COL23A1: variants seen among roughly 807,000 people sequenced by gnomAD.
COL23A1 encodes the protein collagen alpha-1(XXIII) chain.
COL23A1 carries 97 observed loss-of-function variants against 99.3 expected under a neutral mutation model. That is an observed-to-expected ratio of 0.98 (90% CI 0.83 to 1.16). COL23A1 has a LOEUF of 1.16. COL23A1 is among the 50% of genes most tolerant of loss of function. COL23A1 has a pLI of 0.00. For missense variants in COL23A1, 762 were observed against 757.4 expected, an observed-to-expected ratio of 1.01 and a Z score of -0.07; for synonymous variants, 320 against 308.2, an observed-to-expected ratio of 1.04 and a Z score of -0.40.
intron 2 of COL23A1, among the ~76,000 whole-genome samples, chr5:178,503,694 G>T (rs1333390895): frequency 6.6e-6 from 1 of 151,920 alleles, no homozygotes; most frequent in Non-Finnish European, 1.5e-5. Context: ...TTAAGAATGG[G>T]GTAAAATTTA....
At chr5:178,373,245 C>T (rs985841200) in intron 2 of COL23A1, among the ~76,000 whole-genome samples, 1 of 152,108 alleles carries the variant, frequency 6.6e-6, no homozygotes, top group African/African-American at 2.4e-5. Context: ...CCTTGGTTTT[C>T]TCAGCTATAA....
intron 1 of COL23A1, among the ~76,000 whole-genome samples, chr5:178,561,312 GT>G (rs1434310734): frequency 6.6e-6 from 1 of 152,176 alleles, no homozygotes; most frequent in Non-Finnish European, 1.5e-5. Flanking sequence ...CCTCTTACCA[GT>G]GGGGATCCTT....
intron 3 of COL23A1, 58 bp from the exon 4 acceptor site, chr5:178,290,427 G>A (rs1757393041): frequency 3.7e-6 from 6 of 1,612,234 alleles, no homozygotes; most frequent in East Asian, 2.2e-5. Context: ...CCCCTCGCCT[G>A]TCCTCAGCAC....
intron 1 of COL23A1, among the ~76,000 whole-genome samples, chr5:178,574,505 A>G (rs1470684400): frequency 2.0e-5 from 3 of 152,194 alleles, no homozygotes; most frequent in Admixed American, 6.5e-5. Context: ...TTGTCCAAGC[A>G]TTCTACTCGC....
intron 2 of COL23A1, among the ~76,000 whole-genome samples, chr5:178,531,597 G>A (rs1760655283): frequency 6.6e-6 from 1 of 152,184 alleles, no homozygotes; most frequent in Non-Finnish European, 1.5e-5. Flanking sequence ...TTTAAGTTAG[G>A]GATTCTGTTC....
intron 6 of COL23A1, among the ~76,000 whole-genome samples, chr5:178,269,426 T>C (rs1243608006): frequency 3.4e-5 from 2 of 58,766 alleles, no homozygotes; most frequent in Non-Finnish European, 7.0e-5. Context: ...CACCCGTCCA[T>C]CCACCCACCC....
chr5:178,512,174 G>A (rs919811905), intron 2 of COL23A1, among the ~76,000 whole-genome samples: 3 of 152,220 alleles, frequency 2.0e-5, no homozygotes, highest in African/African-American at 4.8e-5. Flanking sequence ...GCGTCCACCT[G>A]TAGAAGACTG....
intron 2 of COL23A1, among the ~76,000 whole-genome samples, chr5:178,394,667 C>T (rs1274267162): frequency 2.0e-5 from 3 of 152,178 alleles, no homozygotes; most frequent in Non-Finnish European, 4.4e-5. Flanking sequence ...CACCCTGACA[C>T]GCAGAGGGGA....
chr5:178,353,547 C>T (rs532761488), intron 2 of COL23A1, among the ~76,000 whole-genome samples: 18 of 152,292 alleles, frequency 1.2e-4, no homozygotes, highest in African/African-American at 2.2e-4. Flanking sequence ...GAAAAGGAAA[C>T]GTAAGTTTCT....
intron 2 of COL23A1, among the ~76,000 whole-genome samples, chr5:178,386,447 A>G (rs1218674089): frequency 6.6e-6 from 1 of 152,180 alleles, no homozygotes; most frequent in Non-Finnish European, 1.5e-5. Context: ...TCCAAAAAAA[A>G]AAAACGCAAT....
At chr5:178,539,545 C>CAAAAAAAAAAAAAAAAAAA (rs58424731) in intron 2 of COL23A1, among the ~76,000 whole-genome samples, 1 of 78,388 alleles carries the variant, frequency 1.3e-5, no homozygotes, top group Non-Finnish European at 2.3e-5. Flanking sequence ...GACTCTGTCT[C>CAAAAAAAAAAAAAAAAAAA]AAAAAAAAAA....
intron 2 of COL23A1, among the ~76,000 whole-genome samples, chr5:178,339,825 C>T (rs1163539317): frequency 6.6e-6 from 1 of 152,218 alleles, no homozygotes; most frequent in Non-Finnish European, 1.5e-5. Flanking sequence ...TTCCCCAGCA[C>T]TGGAGCTCTG....
intron 2 of COL23A1, among the ~76,000 whole-genome samples, chr5:178,327,131 T>G (rs1266048662): frequency 1.3e-5 from 2 of 152,252 alleles, no homozygotes; most frequent in Non-Finnish European, 2.9e-5. Flanking sequence ...ATTAGCAATC[T>G]TTGTTCATTC....
At chr5:178,245,505 C>G (rs943206054) in intron 25 of COL23A1, among the ~76,000 whole-genome samples, 1 of 150,660 alleles carries the variant, frequency 6.6e-6, no homozygotes, top group Non-Finnish European at 1.5e-5. Context: ...ACCCACCCAT[C>G]ATCCACCCAC....
chr5:178,256,793 C>A, intron 14 of COL23A1, 73 bp downstream of exon 14: 1 of 1,437,050 alleles, frequency 7.0e-7, no homozygotes. Flanking sequence ...GCTGAAACCA[C>A]ATCTCCCACT....
chr5:178,507,047 G>C (rs1758912564), intron 2 of COL23A1, among the ~76,000 whole-genome samples: 1 of 151,986 alleles, frequency 6.6e-6, no homozygotes, highest in African/African-American at 2.4e-5. Context: ...TATAAAACAG[G>C]GTACATTTCT....
chr5:178,577,173 C>T (rs1223562404), intron 1 of COL23A1, among the ~76,000 whole-genome samples: 1 of 152,190 alleles, frequency 6.6e-6, no homozygotes, highest in Non-Finnish European at 1.5e-5. Flanking sequence ...GTCCGGGGAT[C>T]CCGCGGGTGG....
intron 1 of COL23A1, among the ~76,000 whole-genome samples, chr5:178,588,136 A>G (rs1456996624): frequency 6.6e-6 from 1 of 152,188 alleles, no homozygotes; most frequent in Non-Finnish European, 1.5e-5. Flanking sequence ...ACAGAGAGAG[A>G]GAGAGAACAC....
intron 2 of COL23A1, among the ~76,000 whole-genome samples, chr5:178,358,343 G>A (rs202200285): frequency 7.3e-6 from 1 of 136,170 alleles, no homozygotes; most frequent in Admixed American, 7.6e-5. Flanking sequence ...TGTCTAATGT[G>A]TGTATTGTGT....
Sources: allele counts gnomAD v4.1 joint callset (sites outside exome capture counted in the v4.1 genomes callset), GRCh38; gene constraint gnomAD v4.1.1; transcripts MANE v1.5; gene names NCBI Gene and HGNC (gene_info 2026-07-23, HGNC 2026-07-21).